Variants in IL20RB observed in about 807,000 individuals in gnomAD.
IL20RB encodes the protein interleukin-20 receptor subunit beta.
IL20RB carries 21 observed loss-of-function variants against 33.3 expected under a neutral mutation model. The ratio of observed to expected loss-of-function variants is 0.63; its 90% CI spans 0.45 to 0.91. The LOEUF (loss-of-function observed/expected upper bound fraction) is 0.91. IL20RB is among the 40% of genes least tolerant of loss of function. The pLI is 0.00. For synonymous variants in IL20RB, 147 were observed against 146.8 expected (o/e 1.00, Z -0.01); for missense variants, 345 against 384.8 (o/e 0.90, Z 0.86).
chr3:137,003,354 T>C (rs964747950), intron 6 of IL20RB, among the ~76,000 whole-genome samples: 4 of 152,194 alleles, frequency 2.6e-5, no homozygotes, highest in South Asian at 2.1e-4. Flanking sequence ...TATAAATTAC[T>C]TTGGGCAGTA....
At chr3:137,004,776 C>G (rs1031281926) in intron 6 of IL20RB, among the ~76,000 whole-genome samples, 3 of 152,098 alleles carry the variant, frequency 2.0e-5, no homozygotes, top group Non-Finnish European at 4.4e-5. Context: ...TTCAGTTCTG[C>G]TCTCAACTTA....
At chr3:136,984,324 C>T (rs1010576095) in intron 3 of IL20RB, among the ~76,000 whole-genome samples, 1 of 151,848 alleles carries the variant, frequency 6.6e-6, no homozygotes, top group Non-Finnish European at 1.5e-5. Flanking sequence ...GGAGGAAGCC[C>T]CTGGATGGGC....
chr3:136,982,333 C>T lies in IL20RB; in HGVS notation c.389C>T (p.Pro130Leu), dbSNP rs1270013282. The change falls in exon 3 of 7, where the codon CCC becomes CTC. Residue 130 changes from proline to leucine, a missense_variant. Transcript: ENST00000329582. ...QTSAWSILKH[P>L]FNRNSTILTR... Reference sequence around the variant, plus strand: ...TCAGCCTGGAGCATCCTGAAGCATCCCTTTAATAGAAACTCAAGTAAGGCA... The same window carrying T: ...TCAGCCTGGAGCATCCTGAAGCATCTCTTTAATAGAAACTCAAGTAAGGCA... The T allele has an allele frequency of 6.3e-7, 1 of 1,587,326 alleles. No individual in the cohort carries two copies. The highest frequency in any genetic ancestry group is 1.7e-5 in the Admixed American group (1 of 58,938).
At chr3:136,958,532 G>A (rs968761896) in intron 1 of IL20RB, among the ~76,000 whole-genome samples, 5 of 152,210 alleles carry the variant, frequency 3.3e-5, no homozygotes, top group African/African-American at 1.2e-4. Flanking sequence ...CTTACTGTGT[G>A]TGTCTTGGAG....
intron 1 of IL20RB, among the ~76,000 whole-genome samples, chr3:136,970,092 G>GT (rs947820961): frequency 1.3e-4 from 20 of 149,986 alleles, no homozygotes; most frequent in African/African-American, 4.6e-4. Context: ...TTTGTTTTTT[G>GT]TTTTTTTGTT....
At chr3:136,998,932 T>C (rs1049314394) in intron 6 of IL20RB, among the ~76,000 whole-genome samples, 20 of 152,294 alleles carry the variant, frequency 1.3e-4, no homozygotes, top group African/African-American at 4.6e-4. Flanking sequence ...ATGTGTTCTT[T>C]TTCTCTTGCT....
intron 6 of IL20RB, among the ~76,000 whole-genome samples, chr3:136,998,466 T>C (rs1358324102): frequency 6.6e-6 from 1 of 151,698 alleles, no homozygotes; most frequent in Non-Finnish European, 1.5e-5. Flanking sequence ...TTTATTTCCA[T>C]CTGGTGTGGG....
chr3:136,963,693 A>AAATT (rs1560064425), intron 1 of IL20RB, among the ~76,000 whole-genome samples: 4 of 62,714 alleles, frequency 6.4e-5, no homozygotes, highest in Non-Finnish European at 9.5e-5. Flanking sequence ...TTTTTTTTTT[A>AAATT]TTTTTTTTTT....
At position 136,995,282 on chromosome 3, in the gene IL20RB, A is replaced by G. The variant is rs368319096; in HGVS notation, c.683-132A>G. 3.3e-5 allele frequency: 36 copies of G among 1,075,436 alleles called. No homozygotes were observed. In the South Asian group the frequency reaches 4.3e-4, roughly 13 times the overall value. The allele number at this position is 1,075,436 out of a possible 1,614,324, so 66.6% of individuals were successfully genotyped here. On this transcript the variant is annotated intron_variant, in intron 5 of 6. Transcript: ENST00000329582. The stretch of plus-strand genomic sequence containing the variant: ...ATTTTGGTCACTAGGGCACACATCA[A>G]ATCTCAGGATTCTGTTATCTGCCGT...
chr3:136,958,853 A>G (rs1489639654), intron 1 of IL20RB, among the ~76,000 whole-genome samples: 2 of 152,128 alleles, frequency 1.3e-5, no homozygotes, highest in East Asian at 3.9e-4. Flanking sequence ...AGAAACTTCT[A>G]ATTTTGATAC....
chr3:136,993,795 C>T (rs1942076918), intron 5 of IL20RB, among the ~76,000 whole-genome samples: 1 of 152,084 alleles, frequency 6.6e-6, no homozygotes, highest in Non-Finnish European at 1.5e-5. Flanking sequence ...GGTGGATCAC[C>T]TGAGGTCAGA....
chr3:136,978,074 T>C (rs1003883254), intron 1 of IL20RB, among the ~76,000 whole-genome samples: 3 of 152,076 alleles, frequency 2.0e-5, no homozygotes, highest in African/African-American at 7.2e-5. Context: ...TTAAGTAAGA[T>C]GTTAGCTGTA....
intron 1 of IL20RB, among the ~76,000 whole-genome samples, chr3:136,962,581 G>A (rs1029046201): frequency 1.3e-5 from 2 of 151,968 alleles, no homozygotes; most frequent in South Asian, 2.1e-4. Flanking sequence ...GTGAAACCCC[G>A]TCTTTACTAA....
At chr3:137,005,472 A>G (rs1022922731) in intron 6 of IL20RB, among the ~76,000 whole-genome samples, 3 of 152,212 alleles carry the variant, frequency 2.0e-5, no homozygotes, top group African/African-American at 4.8e-5. Context: ...ATACATATTT[A>G]GGATAGCTAA....
chr3:136,988,676 G>A (rs750701575), intron 3 of IL20RB, among the ~76,000 whole-genome samples: 5 of 151,848 alleles, frequency 3.3e-5, no homozygotes, highest in Admixed American at 6.6e-5. Context: ...CTGAGAGTTC[G>A]AGGCTGCAGT....
intron 3 of IL20RB, chr3:136,986,593 C>T (rs545883845): frequency 4.8e-5 from 21 of 441,766 alleles, no homozygotes; most frequent in African/African-American, 4.0e-4. Flanking sequence ...CCCAAGTCCT[C>T]CTGACCCCTG....
In IL20RB at chr3:137,010,250, G is replaced by A. The variant is rs756954500; in HGVS notation, c.*27G>A. The A allele has an allele frequency of 3.8e-6, 4 of 1,052,178 alleles. No individual in the cohort carries two copies. Among genetic ancestry groups the A allele is most frequent in the East Asian group, 2.4e-5 (1 of 42,310 alleles). 65.2% of individuals were successfully genotyped at this position (1,052,178 alleles called of 1,614,324 possible). A position where few individuals can be genotyped will look rare whatever the true frequency, so the allele number is the denominator to read the frequency against. ...TTTGCGGAAGGGCCCAGGTGAAGCC[G>A]AGAACCTGGTCTGCATGACATGGAA... On this transcript the variant is annotated 3_prime_UTR_variant, in exon 7 of 7. Coordinates refer to ENST00000329582, the MANE Select transcript of IL20RB (RefSeq NM_144717.4).
intron 1 of IL20RB, among the ~76,000 whole-genome samples, chr3:136,971,123 A>T (rs1941471157): frequency 6.6e-6 from 1 of 151,676 alleles, no homozygotes; most frequent in African/African-American, 2.4e-5. Flanking sequence ...TATTCCTTCT[A>T]ACTATATGTT....
At chr3:136,985,966 C>A (rs1477454919) in intron 3 of IL20RB, among the ~76,000 whole-genome samples, 3 of 152,138 alleles carry the variant, frequency 2.0e-5, no homozygotes, top group African/African-American at 7.2e-5. Context: ...AAAACAGGAA[C>A]AATGTTAGGC....
Sources: allele counts gnomAD v4.1 joint callset (sites outside exome capture counted in the v4.1 genomes callset), GRCh38; gene constraint gnomAD v4.1.1; transcripts MANE v1.5; gene names NCBI Gene and HGNC (gene_info 2026-07-23, HGNC 2026-07-21).